The following CCDC171 variants were observed in gnomAD, a reference collection of about 807,000 sequenced individuals.
CCDC171 encodes coiled-coil domain-containing protein 171.
Under a neutral mutation model 168.2 loss-of-function variants are expected in CCDC171, and 177 were observed. The observed-to-expected ratio is 1.05, with a 90% CI of 0.93 to 1.19. The LOEUF is 1.19. CCDC171 is among the 50% of genes most tolerant of loss of function. The pLI is 0.00. For synonymous variants in CCDC171, 687 were observed against 540.8 expected (o/e 1.27, Z -3.75); for missense variants, 1,991 against 1,539.0 (o/e 1.29, Z -4.91).
At chr9:15,995,292 G>T (rs1427457538) in intron 3 of CCDC171, among the ~76,000 whole-genome samples, 1 of 152,190 alleles carries the variant, frequency 6.6e-6, no homozygotes, top group Admixed American at 6.5e-5. Context: ...AATAACAAAG[G>T]CTTGTAATCT....
chr9:16,035,273 T>C (rs1833443417), intron 6 of CCDC171, among the ~76,000 whole-genome samples: 1 of 152,244 alleles, frequency 6.6e-6, no homozygotes, highest in Admixed American at 6.5e-5. Flanking sequence ...TATATGTTAA[T>C]ACATAATTAA....
At chr9:15,673,263 G>C (rs2049260434) in intron 9 of CCDC171, among the ~76,000 whole-genome samples, 1 of 152,144 alleles carries the variant, frequency 6.6e-6, no homozygotes, top group Non-Finnish European at 1.5e-5. Context: ...TGAGATGATG[G>C]GGTTTTCTAA....
At chr9:16,062,520 A>ACC (rs1833945003), downstream of CCDC171, among the ~76,000 whole-genome samples, 1 of 152,206 alleles carries the variant, frequency 6.6e-6, no homozygotes, top group African/African-American at 2.4e-5. Flanking sequence ...TACCCATCGA[A>ACC]CAAACCTGCC....
chr9:15,974,682 A>G (rs1162193134), downstream of CCDC171, among the ~76,000 whole-genome samples: 7 of 152,222 alleles, frequency 4.6e-5, no homozygotes, highest in Non-Finnish European at 7.3e-5. Context: ...TAGGATTGCA[A>G]AAATTGCCAG....
chr9:15,935,595 T>C (rs910712377), intron 25 of CCDC171, among the ~76,000 whole-genome samples: 2 of 152,092 alleles, frequency 1.3e-5, no homozygotes, highest in East Asian at 1.9e-4. Context: ...ATAATATAAA[T>C]GTAAGTCATT....
Position 15,973,297 on chromosome 9 carries a change from A to T in CCDC171, c.*1461A>T, listed in dbSNP as rs1352614113. The T allele has an allele frequency of 1.3e-5, 2 of 152,168 alleles. No homozygotes were observed. The highest frequency in any genetic ancestry group is 2.9e-5 in the Non-Finnish European group (2 of 68,020). 9.4% of individuals were successfully genotyped at this position (152,168 alleles called of 1,614,324 possible). On this transcript the variant is annotated 3_prime_UTR_variant, in exon 26 of 26. Coordinates refer to ENST00000380701, the MANE Select transcript of CCDC171 (RefSeq NM_173550.4). ...CATTATGGATACATTAGAGTATAACAGTATGTATTACAGAAGTTTTTTTGT... is the reference window on the plus strand; with the variant it reads ...CATTATGGATACATTAGAGTATAACTGTATGTATTACAGAAGTTTTTTTGT...
chr9:15,758,198 G>T (rs1487327919), intron 18 of CCDC171, among the ~76,000 whole-genome samples: 3 of 152,200 alleles, frequency 2.0e-5, no homozygotes, highest in Non-Finnish European at 4.4e-5. Flanking sequence ...ACAGCTGGAG[G>T]AAGGCTGTAC....
At chr9:15,847,659 ATTTC>A (rs1283717686) in intron 22 of CCDC171, among the ~76,000 whole-genome samples, 2 of 152,060 alleles carry the variant, frequency 1.3e-5, no homozygotes, top group African/African-American at 2.4e-5. Flanking sequence ...AGAATTCTGA[ATTTC>A]TTTACTTGCA....
At chr9:15,938,117 A>T (rs1402841063) in intron 25 of CCDC171, among the ~76,000 whole-genome samples, 1 of 151,904 alleles carries the variant, frequency 6.6e-6, no homozygotes, top group Non-Finnish European at 1.5e-5. Context: ...TTTAATCTTT[A>T]TACCAGTCTT....
In CCDC171 at chr9:15,666,143, A is replaced by T. The variant is rs1461363712; in HGVS notation, c.916-20A>T. 4 of 1,607,686 alleles carry T rather than the reference A, an allele frequency of 2.5e-6. No individual in the cohort carries two copies. Among genetic ancestry groups the T allele is most frequent in the Non-Finnish European group, 3.4e-6 (4 of 1,176,556 alleles). On this transcript the variant is annotated intron_variant, in intron 8 of 25. Coordinates refer to ENST00000380701, the MANE Select transcript of CCDC171 (RefSeq NM_173550.4). ...TAGCATTTCTTAGCTTGATTTAATT[A>T]CTTGTCTGTCGTCCGGTAGTTACGG... is the stretch of plus-strand genomic sequence containing the variant.
rs534137931 is a variant in CCDC171, at chr9:15,861,860, T to G, written c.3469-12672T>G. Among the ~76,000 whole-genome samples the G allele has an allele frequency of 4.6e-5, 7 of 152,174 alleles. No individual in the cohort carries two copies. The East Asian group carries it at 1.4e-3, about 29-fold the overall frequency. ...TCTATACTTTCTTATGGTATCATGT[T>G]GCTGTACAGCATTCTATTATTTCTA... On this transcript the variant is annotated intron_variant, in intron 23 of 25. Coordinates refer to ENST00000380701, the MANE Select transcript of CCDC171 (RefSeq NM_173550.4).
At chr9:15,567,261 C>T (rs1378988679) in intron 2 of CCDC171, among the ~76,000 whole-genome samples, 4 of 152,088 alleles carry the variant, frequency 2.6e-5, no homozygotes. Context: ...ACCTTGTGAT[C>T]CACCGGCCTC....
chr9:15,606,671 A>G (rs1564033957), intron 6 of CCDC171, among the ~76,000 whole-genome samples: 1 of 152,332 alleles, frequency 6.6e-6, no homozygotes, highest in East Asian at 1.9e-4. Flanking sequence ...GGATTCTGAG[A>G]AATGTTGTTT....
chr9:15,893,566 A>C (rs1333869303), intron 24 of CCDC171, among the ~76,000 whole-genome samples: 1 of 152,198 alleles, frequency 6.6e-6, no homozygotes, highest in Non-Finnish European at 1.5e-5. Flanking sequence ...TCTACAAGCA[A>C]CTTAAACCAA....
chr9:16,050,833 T>A (rs568078406), intron 1 of CCDC171, among the ~76,000 whole-genome samples: 1 of 152,226 alleles, frequency 6.6e-6, no homozygotes, highest in African/African-American at 2.4e-5. Flanking sequence ...AGTTTTTGAA[T>A]GATCTTGTCA....
chr9:15,678,970 C>A, intron 10 of CCDC171, 74 bp downstream of exon 10: 2 of 1,103,308 alleles, frequency 1.8e-6, no homozygotes, highest in Non-Finnish European at 2.6e-6. Context: ...GGTTTTTCCT[C>A]ACCACATTCC....
intron 11 of CCDC171, among the ~76,000 whole-genome samples, chr9:15,711,289 T>G (rs1232107325): frequency 6.6e-6 from 1 of 152,226 alleles, no homozygotes; most frequent in African/African-American, 2.4e-5. Context: ...TCTTTAAAAT[T>G]GTATATTTTT....
At chr9:16,087,616 T>G in the CCDC171 span, among the ~76,000 whole-genome samples, 2 of 149,672 alleles carry the variant, frequency 1.3e-5, no homozygotes, top group Non-Finnish European at 3.0e-5. Context: ...CTCCATCCCT[T>G]TATTTTGAGC....
chr9:16,102,238 T>C, the CCDC171 span, among the ~76,000 whole-genome samples: 1 of 152,280 alleles, frequency 6.6e-6, no homozygotes, highest in East Asian at 1.9e-4. Flanking sequence ...TTGTCTGTTT[T>C]GGTGTCCGTG....
Sources: gnomAD v4.1 joint callset for allele counts (sites outside exome capture counted in the v4.1 genomes callset) on GRCh38, gnomAD v4.1.1 for gene constraint, MANE v1.5 for transcripts, NCBI Gene and HGNC (gene_info 2026-07-23, HGNC 2026-07-21) for gene names.